Variants in PECAM1 observed in about 807,000 individuals in gnomAD.
PECAM1 encodes platelet and endothelial cell adhesion molecule 1.
A neutral mutation model predicts 13.8 loss-of-function variants in PECAM1; 8 were observed. The observed-to-expected ratio is 0.58, with a 90% CI of 0.34 to 1.05. The LOEUF (loss-of-function observed/expected upper bound fraction) is 1.05, where lower values mean the gene tolerates loss of function less well. Ranked by LOEUF, PECAM1 falls within the 50% of genes least tolerant of loss-of-function variation. The pLI is 0.03. For missense variants in PECAM1, 304 were observed against 141.2 expected, an observed-to-expected ratio of 2.15 and a Z score of -5.84; for synonymous variants, 136 against 52.6, an observed-to-expected ratio of 2.58 and a Z score of -6.86.
intron 2 of PECAM1, among the ~76,000 whole-genome samples, chr17:64,383,453 G>T (rs2036526666): frequency 6.6e-6 from 1 of 151,626 alleles, no homozygotes; most frequent in Non-Finnish European, 1.5e-5. Flanking sequence ...CTGGCCTCTG[G>T]TTGACATTCT....
At chr17:64,342,094 G>A (rs1487951715) in intron 13 of PECAM1, among the ~76,000 whole-genome samples, 1 of 151,100 alleles carries the variant, frequency 6.6e-6, no homozygotes, top group Non-Finnish European at 1.5e-5. Context: ...AGGTTGCAGT[G>A]AGCCAAGATT....
chr17:64,349,448 C>G (rs1477994945), intron 12 of PECAM1, among the ~76,000 whole-genome samples: 5 of 151,836 alleles, frequency 3.3e-5, no homozygotes, highest in African/African-American at 1.2e-4. Context: ...ATTAGCTGGG[C>G]ATGGTGGCAC....
chr17:64,382,973 G>A (rs1236035779), intron 2 of PECAM1, among the ~76,000 whole-genome samples: 3 of 152,060 alleles, frequency 2.0e-5, no homozygotes, highest in African/African-American at 7.2e-5. Context: ...CTGGGAGGTG[G>A]ATATTGCAGT....
At chr17:64,387,128 A>C (rs1413833160) in intron 2 of PECAM1, among the ~76,000 whole-genome samples, 3 of 152,192 alleles carry the variant, frequency 2.0e-5, no homozygotes, top group Non-Finnish European at 2.9e-5. Flanking sequence ...AAAGCAGGGA[A>C]GAGGATGGAA....
Position 64,322,087 on chromosome 17 carries a change from A to C in PECAM1, c.*1729T>G. Reference sequence around the variant, plus strand: ...TTTCATCATATTGTCAAAAGAGTCTAGGCTGGGCATGGTGGCTCACGCCTG... The same window carrying C: ...TTTCATCATATTGTCAAAAGAGTCTCGGCTGGGCATGGTGGCTCACGCCTG... On this transcript the variant is annotated 3_prime_UTR_variant, in exon 16 of 16. Coordinates refer to ENST00000563924, the MANE Select transcript of PECAM1 (RefSeq NM_000442.5). 1 of 1,120,632 alleles carries C rather than the reference A, an allele frequency of 8.9e-7. No individual in the cohort carries two copies. The highest frequency in any genetic ancestry group is 1.9e-5 in the South Asian group (1 of 52,554). 69.4% of individuals were successfully genotyped at this position (1,120,632 alleles called of 1,614,324 possible).
At chr17:64,370,889 A>G in intron 4 of PECAM1, among the ~76,000 whole-genome samples, 1 of 152,340 alleles carries the variant, frequency 6.6e-6, no homozygotes, top group East Asian at 1.9e-4. Flanking sequence ...GTGAACTTAG[A>G]GTACTCTAAT....
chr17:64,371,168 GGT>G (rs2036229312), intron 4 of PECAM1, among the ~76,000 whole-genome samples: 1 of 152,002 alleles, frequency 6.6e-6, no homozygotes, highest in African/African-American at 2.4e-5. Context: ...AGAAAACATG[GGT>G]GTGTTTTTTT....
At chr17:64,381,221 T>C (rs1463628120) in intron 2 of PECAM1, among the ~76,000 whole-genome samples, 1 of 152,218 alleles carries the variant, frequency 6.6e-6, no homozygotes, top group Non-Finnish European at 1.5e-5. Flanking sequence ...AACTGATTCA[T>C]TTCTATCTTG....
chr17:64,341,765 G>C (rs1011829150), intron 13 of PECAM1, 75 bp from the exon 14 acceptor site: 2 of 411,568 alleles, frequency 4.9e-6, no homozygotes, highest in Non-Finnish European at 4.4e-6. Flanking sequence ...ATAGGAAAAG[G>C]TCTGAGGCTC....
chr17:64,352,818 C>G (rs4968727), intron 10 of PECAM1, among the ~76,000 whole-genome samples: 62,817 of 151,798 alleles, frequency 0.41, 14,371 homozygotes, highest in South Asian at 0.58. Flanking sequence ...CCACGCCCGG[C>G]TAATTTTTGT....
chr17:64,341,105 A>AAG (rs1167185869), intron 14 of PECAM1, among the ~76,000 whole-genome samples: 7 of 151,312 alleles, frequency 4.6e-5, no homozygotes, highest in Non-Finnish European at 1.0e-4. Context: ...TCAAAAAAAA[A>AAG]AAAAAAAAAT....
At position 64,347,544 on chromosome 17, in the gene PECAM1, A is replaced by AAT. The variant is rs1192739250; in HGVS notation, c.2107+714_2107+715dup. On this transcript the variant is annotated intron_variant, in intron 13 of 15. Coordinates refer to ENST00000563924, the MANE Select transcript of PECAM1 (RefSeq NM_000442.5). The stretch of plus-strand genomic sequence containing the variant: ...ACTCCGTCTCAACAAAGAAAAAAAA[A>AAT]ATATATATATATATATAAAATAAAA... Among the ~76,000 whole-genome samples, 45 of 126,386 alleles carry AAT rather than the reference A, an allele frequency of 3.6e-4. 1 individual carries two copies. The highest frequency in any genetic ancestry group is 1.4e-3 in the East Asian group (7 of 5,036). The allele number at this position is 126,386 out of a possible 152,430, so 82.9% of individuals were successfully genotyped here.
At chr17:64,334,211 A>G (rs1423332822) in intron 14 of PECAM1, among the ~76,000 whole-genome samples, 7 of 151,030 alleles carry the variant, frequency 4.6e-5, no homozygotes, top group African/African-American at 1.7e-4. Flanking sequence ...CTTTCCCATC[A>G]AACTCAAGTC....
intron 8 of PECAM1, 77 bp downstream of exon 8, chr17:64,356,034 C>T: frequency 2.1e-6 from 1 of 474,042 alleles, no homozygotes; most frequent in Non-Finnish European, 3.9e-6. Context: ...CCCCCAACTC[C>T]CTCTTACAAG....
intron 2 of PECAM1, among the ~76,000 whole-genome samples, chr17:64,383,387 G>A (rs1283993942): frequency 6.6e-6 from 1 of 152,212 alleles, no homozygotes. Flanking sequence ...CCTAAACAGT[G>A]ACTGCGCCAA....
At chr17:64,374,938 A>G in intron 4 of PECAM1, 113 bp downstream of exon 4, 1 of 413,696 alleles carries the variant, frequency 2.4e-6, no homozygotes, top group East Asian at 3.5e-5. Flanking sequence ...TAAAATGATT[A>G]AGAACAGGTC....
chr17:64,342,049 CTAAGGGACG>C (rs1289620336), intron 13 of PECAM1, among the ~76,000 whole-genome samples: 1 of 151,658 alleles, frequency 6.6e-6, no homozygotes, highest in Non-Finnish European at 1.5e-5. Flanking sequence ...TACTCGAGAG[CTAAGGGACG>C]AGAATCGCTT....
In PECAM1 at chr17:64,366,726, A is replaced by G. The variant is rs1356385972; in HGVS notation, c.967+3024T>C. Reference sequence around the variant, plus strand: ...ATTCTCAGTAAACTATAGCAAGGACAAAAAACCAAACACCGCATCTTCTCA... The same window carrying G: ...ATTCTCAGTAAACTATAGCAAGGACGAAAAACCAAACACCGCATCTTCTCA... On this transcript the variant is annotated intron_variant, in intron 5 of 15. Transcript: ENST00000563924. 4.5e-3 allele frequency among the ~76,000 whole-genome samples: 676 copies of G among 151,318 alleles called. 5 individuals carry two copies. Among genetic ancestry groups the G allele is most frequent in the Non-Finnish European group, 7.8e-3 (526 of 67,832 alleles).
chr17:64,339,920 G>A (rs890658573), intron 14 of PECAM1, among the ~76,000 whole-genome samples: 2 of 152,110 alleles, frequency 1.3e-5, no homozygotes, highest in African/African-American at 2.4e-5. Context: ...GAGGCCGAAG[G>A]GGGTGGATTG....
Sources: allele counts gnomAD v4.1 joint callset (sites outside exome capture counted in the v4.1 genomes callset), GRCh38; gene constraint gnomAD v4.1.1; transcripts MANE v1.5; gene names NCBI Gene and HGNC (gene_info 2026-07-23, HGNC 2026-07-21).